PAM: variants seen among roughly 807,000 people sequenced by gnomAD.
The protein encoded by PAM is peptidyl-glycine alpha-amidating monooxygenase.
Under a neutral mutation model 122.1 loss-of-function variants are expected in PAM, and 72 were observed. The observed-to-expected ratio is 0.59, with a 90% CI of 0.49 to 0.72. PAM has a LOEUF of 0.72. Ranked by LOEUF, PAM falls within the 30% of genes least tolerant of loss-of-function variation. PAM has a pLI of 0.00. For missense variants in PAM, 1,106 were observed against 1,183.7 expected, an observed-to-expected ratio of 0.93 and a Z score of 0.96; for synonymous variants, 389 against 404.4, an observed-to-expected ratio of 0.96 and a Z score of 0.46.
chr5:102,781,985 T>C (rs1427782674), intron 1 of PAM, among the ~76,000 whole-genome samples: 1 of 152,228 alleles, frequency 6.6e-6, no homozygotes, highest in Non-Finnish European at 1.5e-5. Context: ...GTCTGCGATC[T>C]GAAAACAGCC....
chr5:102,933,441 C>T (rs1752241136), intron 7 of PAM, among the ~76,000 whole-genome samples: 1 of 152,242 alleles, frequency 6.6e-6, no homozygotes, highest in South Asian at 2.1e-4. Context: ...TTTCCTTGCC[C>T]TCTTGCATTA....
chr5:103,024,602 G>T (rs1337119341), intron 23 of PAM, among the ~76,000 whole-genome samples: 1 of 152,090 alleles, frequency 6.6e-6, no homozygotes, highest in African/African-American at 2.4e-5. Context: ...AAGATACAAG[G>T]AAACAAACAC....
Position 102,866,131 on chromosome 5 carries a change from C to T in PAM, c.-65C>T. The T allele has an allele frequency of 8.5e-7, 1 of 1,170,256 alleles. No individual in the cohort carries two copies. The highest frequency in any genetic ancestry group is 2.5e-5 in the East Asian group (1 of 40,032). 72.5% of individuals were successfully genotyped at this position (1,170,256 alleles called of 1,614,324 possible). On this transcript the variant is annotated 5_prime_UTR_variant, in exon 2 of 26. Transcript: ENST00000438793. ...GGCTGCTGGCGGCGCCGCTGCCCAA[C>T]CGCCAGCCCCAGCCCCGCGCTGCGC...
At chr5:102,779,645 A>G (rs1383484863) in intron 1 of PAM, among the ~76,000 whole-genome samples, 3 of 152,002 alleles carry the variant, frequency 2.0e-5, no homozygotes, top group Non-Finnish European at 4.4e-5. Flanking sequence ...GGTGGGCACA[A>G]TCTAATCAGC....
intron 1 of PAM, among the ~76,000 whole-genome samples, chr5:102,805,064 CTTTTTTTTTTT>C (rs527963126): frequency 1.9e-5 from 2 of 103,772 alleles, no homozygotes; most frequent in South Asian, 3.3e-4. Flanking sequence ...GGGAATTTTC[CTTTTTTTTTTT>C]TTTTTTTTTT....
chr5:102,988,715 GA>G (rs1383078639), intron 15 of PAM, among the ~76,000 whole-genome samples: 2 of 143,728 alleles, frequency 1.4e-5, no homozygotes, highest in Non-Finnish European at 3.1e-5. Flanking sequence ...GAGAAAGAAA[GA>G]AAAGAAAAAA....
At chr5:102,988,942 G>A (rs1434763802) in intron 15 of PAM, among the ~76,000 whole-genome samples, 2 of 152,108 alleles carry the variant, frequency 1.3e-5, no homozygotes, top group Non-Finnish European at 2.9e-5. Flanking sequence ...GATCATATAA[G>A]CTTTGAGCTT....
intron 1 of PAM, among the ~76,000 whole-genome samples, chr5:102,853,381 G>GT (rs1462778829): frequency 1.3e-5 from 2 of 152,052 alleles, no homozygotes; most frequent in South Asian, 2.1e-4. Flanking sequence ...TTTTAGCTCT[G>GT]TTTTTTCCCT....
chr5:103,017,006 C>T (rs1782202497), intron 21 of PAM, among the ~76,000 whole-genome samples: 1 of 152,092 alleles, frequency 6.6e-6, no homozygotes, highest in South Asian at 2.1e-4. Flanking sequence ...ATATAAATAA[C>T]TAGACAGATA....
intron 1 of PAM, among the ~76,000 whole-genome samples, chr5:102,793,467 G>A (rs1286770479): frequency 6.6e-6 from 1 of 152,184 alleles, no homozygotes; most frequent in Non-Finnish European, 1.5e-5. Flanking sequence ...GGAGGTGGAG[G>A]CTGCAGTGAG....
At chr5:102,933,388 TG>T (rs1440678229) in intron 7 of PAM, among the ~76,000 whole-genome samples, 4 of 152,210 alleles carry the variant, frequency 2.6e-5, no homozygotes, top group African/African-American at 9.6e-5. Context: ...AATAAAAACA[TG>T]GGAACACTGC....
intron 16 of PAM, 68 bp downstream of exon 16, chr5:102,990,469 CTA>C (rs911226148): frequency 6.6e-5 from 79 of 1,189,004 alleles, no homozygotes; most frequent in Non-Finnish European, 8.5e-5. Flanking sequence ...TTTCACTAAA[CTA>C]AGAATAATGG....
rs189576543 is a variant in PAM, at chr5:102,801,738, T to C, written c.-374+46390T>C. ...TTCACAAAAATGCTCTACATTTCCC[T>C]CAAAGTTCCTTATTTGTATCCTAGG... On this transcript the variant is annotated intron_variant, in intron 1 of 25. Transcript: ENST00000438793. Among the ~76,000 whole-genome samples, 258 of 150,510 alleles carry C rather than the reference T, an allele frequency of 1.7e-3. 1 individual carries two copies. The highest frequency in any genetic ancestry group is 6.1e-3 in the African/African-American group (252 of 41,114).
intron 3 of PAM, among the ~76,000 whole-genome samples, chr5:102,868,724 C>A (rs1051585022): frequency 1.3e-5 from 2 of 152,088 alleles, no homozygotes; most frequent in Admixed American, 6.5e-5. Context: ...AGCACTCTTT[C>A]CCCACAAGAA....
chr5:102,937,094 G>T (rs975881614), intron 7 of PAM, among the ~76,000 whole-genome samples: 1 of 152,074 alleles, frequency 6.6e-6, no homozygotes, highest in African/African-American at 2.4e-5. Flanking sequence ...ATTCGAAGAA[G>T]AATTTATTTT....
chr5:102,781,124 T>C (rs554674900), intron 1 of PAM, among the ~76,000 whole-genome samples: 16 of 152,286 alleles, frequency 1.1e-4, no homozygotes, highest in African/African-American at 3.9e-4. Context: ...TTGATTAATA[T>C]GCAAACATTG....
chr5:102,823,089 A>T (rs557812856), intron 1 of PAM, among the ~76,000 whole-genome samples: 66 of 152,280 alleles, frequency 4.3e-4, no homozygotes, highest in African/African-American at 1.6e-3. Context: ...ATTGAGTGGG[A>T]TGTGGAAAAG....
intron 23 of PAM, among the ~76,000 whole-genome samples, chr5:103,022,884 A>AC (rs1384803603): frequency 2.6e-5 from 4 of 152,108 alleles, no homozygotes; most frequent in Admixed American, 6.6e-5. Flanking sequence ...TAGGCATTTT[A>AC]CCCCACATAC....
chr5:102,756,075 T>C (rs929499128), intron 1 of PAM, among the ~76,000 whole-genome samples: 8 of 152,170 alleles, frequency 5.3e-5, no homozygotes, highest in African/African-American at 1.7e-4. Flanking sequence ...ACCTGTATGT[T>C]GTCATCTGCA....
Sources: allele counts gnomAD v4.1 joint callset (sites outside exome capture counted in the v4.1 genomes callset), GRCh38; gene constraint gnomAD v4.1.1; transcripts MANE v1.5; gene names NCBI Gene and HGNC (gene_info 2026-07-23, HGNC 2026-07-21).